Variants in MPST observed in about 807,000 individuals in gnomAD.
MPST encodes the protein mercaptopyruvate sulfurtransferase, also known as 3-mercaptopyruvate sulfurtransferase.
A neutral mutation model predicts 28.5 loss-of-function variants in MPST; 27 were observed. That is an observed-to-expected ratio of 0.95 (90% CI 0.70 to 1.31). The LOEUF (loss-of-function observed/expected upper bound fraction) is 1.31. Ranked by LOEUF, MPST falls within the 50% of genes most tolerant of loss-of-function variation. MPST has a pLI of 0.00. For missense variants in MPST, 492 were observed against 471.1 expected (o/e 1.04, Z -0.41); for synonymous variants, 204 against 209.3 (o/e 0.97, Z 0.22).
intron 2 of MPST, chr22:37,028,867 G>T (rs1453860763): frequency 4.4e-6 from 1 of 229,604 alleles, no homozygotes; most frequent in Non-Finnish European, 8.6e-6. Flanking sequence ...TTGCCTGCAG[G>T]TACTGCACGT....
Position 37,024,239 on chromosome 22 carries a change from C to T in MPST, c.84C>T (p.Arg28=), listed in dbSNP as rs1216934062. Residue 28 remains arginine (R), a synonymous_variant, in exon 2 of 3, where the codon CGC becomes CGT. Transcript: ENST00000429360. ...VAAMASPQLC[R]ALVSAQWVAE... Reference sequence around the variant, plus strand: ...CCATGGCTTCGCCGCAGCTCTGCCGCGCGCTGGTGTCGGCGCAATGGGTGG... The same window carrying T: ...CCATGGCTTCGCCGCAGCTCTGCCGTGCGCTGGTGTCGGCGCAATGGGTGG... The T allele has an allele frequency of 6.4e-6, 9 of 1,415,194 alleles. No homozygotes were observed. Among genetic ancestry groups the T allele is most frequent in the Non-Finnish European group, 8.2e-6 (9 of 1,094,864 alleles). 87.7% of individuals were successfully genotyped at this position (1,415,194 alleles called of 1,614,324 possible).
In MPST at chr22:37,019,874, T is replaced by G; in HGVS notation, c.36+2T>G. The G allele has an allele frequency of 8.2e-7, 1 of 1,213,558 alleles. No individual in the cohort carries two copies. The highest frequency in any genetic ancestry group is 1.0e-6 in the Non-Finnish European group (1 of 969,290). 75.2% of individuals were successfully genotyped at this position (1,213,558 alleles called of 1,614,324 possible). A position where few individuals can be genotyped will look rare whatever the true frequency, so the allele number is the denominator to read the frequency against. ...GGAAGCCGGGAGTCCGAGACCCGGG[T>G]AACTGCCGCGGCGTGGCGGCTTGCC... On this transcript the variant is annotated splice_donor_variant, in intron 1 of 2. Transcript: ENST00000429360. LOFTEE classifies it high-confidence loss of function.
At chr22:37,024,101 C>T (rs1923280228) in intron 1 of MPST, 91 bp from the exon 2 acceptor site, 1 of 1,287,838 alleles carries the variant, frequency 7.8e-7, no homozygotes, top group Non-Finnish European at 1.0e-6. Context: ...CCGCACCTCC[C>T]CCGCCGGCCC....
At chr22:37,020,827 T>G (rs1373940342) in intron 1 of MPST, among the ~76,000 whole-genome samples, 2 of 152,140 alleles carry the variant, frequency 1.3e-5, no homozygotes, top group Non-Finnish European at 2.9e-5. Flanking sequence ...CCCGGCTAAT[T>G]TTTAAATTTT....
At chr22:37,021,342 AG>A (rs929145950) in intron 1 of MPST, among the ~76,000 whole-genome samples, 82 of 152,280 alleles carry the variant, frequency 5.4e-4, no homozygotes, top group Admixed American at 4.7e-3. Context: ...CCAATCAAGC[AG>A]GGAGACTGGG....
chr22:37,024,206 T>C lies in MPST; in HGVS notation c.51T>C (p.Ser17=). The C allele has an allele frequency of 5.8e-6, 8 of 1,378,516 alleles. No homozygotes were observed. Among genetic ancestry groups the C allele is most frequent in the Non-Finnish European group, 7.5e-6 (8 of 1,073,804 alleles). The allele number at this position is 1,378,516 out of a possible 1,614,324, so 85.4% of individuals were successfully genotyped here. ...RESETRARSP[S]VAAMASPQLC... ...CTGTCGCCCAGGCCCGCAGCCCGAG[T>C]GTCGCCGCCATGGCTTCGCCGCAGC... Residue 17 remains serine (S), a synonymous_variant, in exon 2 of 3, where the codon AGT becomes AGC. Coordinates refer to ENST00000429360, the MANE Select transcript of MPST (RefSeq NM_021126.8).
At chr22:37,025,011 C>G (rs989239530) in intron 2 of MPST, 2 of 1,487,808 alleles carry the variant, frequency 1.3e-6, no homozygotes, top group Non-Finnish European at 1.8e-6. Flanking sequence ...GGGTCTGGCT[C>G]TACCGCCCAG....
chr22:37,029,522 C>T lies in MPST; in HGVS notation c.*8C>T, dbSNP rs187704902. On this transcript the variant is annotated 3_prime_UTR_variant, in exon 3 of 3. Transcript: ENST00000429360. ...CGGGGGAAGACCCACTGAAGCTGGGCAGGACACAGGCGAGCTCAGGTGATG... is the reference window on the plus strand; with the variant it reads ...CGGGGGAAGACCCACTGAAGCTGGGTAGGACACAGGCGAGCTCAGGTGATG... The T allele has an allele frequency of 1.5e-4, 242 of 1,591,880 alleles. No individual in the cohort carries two copies. The African/African-American group carries it at 2.9e-3, about 19-fold the overall frequency.
In MPST at chr22:37,024,555, T is replaced by C; in HGVS notation, c.400T>C (p.Trp134Arg). ...GGGCCTCTACTCCGCCCCGCGCGTC[T>C]GGTGGATGTTCCGCGCCTTCGGCCA... ...DQGLYSAPRV[W>R]WMFRAFGHHA... The change falls in exon 2 of 3, where the codon TGG (tryptophan) becomes CGG (arginine). Residue 134 changes from tryptophan (W) to arginine (R), a missense_variant. Trp to Arg is a moderately radical substitution (Grantham distance 101, BLOSUM62 -3). Coordinates refer to ENST00000429360, the MANE Select transcript of MPST (RefSeq NM_021126.8). 1 of 1,580,452 alleles carries C rather than the reference T, an allele frequency of 6.3e-7. No individual in the cohort carries two copies. The highest frequency in any genetic ancestry group is 8.6e-7 in the Non-Finnish European group (1 of 1,169,574).
intron 2 of MPST, chr22:37,025,372 C>T (rs1923444614): frequency 6.9e-6 from 2 of 288,992 alleles, no homozygotes; most frequent in Non-Finnish European, 6.8e-6. Context: ...GCTACCCATG[C>T]CCCTGAGGAT....
rs1922920126 is a variant in MPST, at chr22:37,019,844, A to T, written c.8A>T (p.Glu3Val). Residue 3 changes from glutamate (E) to valine (V), a missense_variant, in exon 1 of 3, where the codon GAG (glutamate) becomes GTG (valine). Physicochemically the swap from Glu to Val is moderately radical, Grantham distance 121. Coordinates refer to ENST00000429360, the MANE Select transcript of MPST (RefSeq NM_021126.8). ...CGCCGCGCCGCGGGGGCCATGGCGG[A>T]GCCAGGAAGCCGGGAGTCCGAGACC... is the stretch of plus-strand genomic sequence containing the variant. MA[E>V]PGSRESETRA... 3 of 1,218,402 alleles carry T rather than the reference A, an allele frequency of 2.5e-6. No homozygotes were observed. The highest frequency in any genetic ancestry group is 3.1e-6 in the Non-Finnish European group (3 of 974,428). The allele number at this position is 1,218,402 out of a possible 1,614,324, so 75.5% of individuals were successfully genotyped here.
At chr22:37,026,400 A>C (rs887958840) in intron 2 of MPST, 2 of 152,134 alleles carry the variant, frequency 1.3e-5, no homozygotes, top group African/African-American at 4.8e-5. Flanking sequence ...CCTGACACTT[A>C]TTCAGTCGCA....
rs1333953619 is a variant in MPST at position 37,019,842 on chromosome 22, G to A, written c.6G>A (p.Ala2=). Residue 2 remains alanine, a synonymous_variant, in exon 1 of 3, where the codon GCG becomes GCA. Coordinates refer to ENST00000429360, the MANE Select transcript of MPST (RefSeq NM_021126.8). M[A]EPGSRESETR... is the part of the protein sequence containing the mutation. ...GGCGCCGCGCCGCGGGGGCCATGGC[G>A]GAGCCAGGAAGCCGGGAGTCCGAGA... 27 of 1,218,178 alleles carry A rather than the reference G, an allele frequency of 2.2e-5. No homozygotes were observed. Among genetic ancestry groups the A allele is most frequent in the Non-Finnish European group, 2.8e-5 (27 of 973,478 alleles). The allele number at this position is 1,218,178 out of a possible 1,614,324, so 75.5% of individuals were successfully genotyped here. A position where few individuals can be genotyped will look rare whatever the true frequency, so the allele number is the denominator to read the frequency against.
chr22:37,020,057 C>CGTGGCGA (rs1250863160), intron 1 of MPST, 185 bp downstream of exon 1: 3 of 260,010 alleles, frequency 1.2e-5, no homozygotes, highest in Admixed American at 5.5e-5. Flanking sequence ...CGGGTGGGGT[C>CGTGGCGA]GTGGCGAGTG....
chr22:37,029,465 G>C lies in MPST; in HGVS notation c.905G>C (p.Arg302Pro). 6.2e-7 allele frequency: 1 copy of C among 1,612,150 alleles called. No individual in the cohort carries two copies. Among genetic ancestry groups the C allele is most frequent in the Admixed American group, 1.7e-5 (1 of 59,964 alleles). The change falls in exon 3 of 3, where the codon CGC becomes CCC. Residue 302 changes from arginine (R) to proline (P), a missense_variant. Transcript: ENST00000429360. Reference protein sequence around the residue: ...YDGSWVEWYMRARPEDVISEG... With the variant: ...YDGSWVEWYMPARPEDVISEG... ...GGCTCCTGGGTGGAGTGGTACATGCGCGCCCGGCCCGAGGATGTCATCTCA... is the reference window on the plus strand; with the variant it reads ...GGCTCCTGGGTGGAGTGGTACATGCCCGCCCGGCCCGAGGATGTCATCTCA...
At chr22:37,028,068 G>A (rs899245087) in intron 2 of MPST, 3 of 152,168 alleles carry the variant, frequency 2.0e-5, no homozygotes, top group Non-Finnish European at 2.9e-5. Context: ...ATAGCTGACC[G>A]TCTCCAAACA....
chr22:37,024,043 G>C, intron 1 of MPST, 149 bp from the exon 2 acceptor site: 1 of 1,265,736 alleles, frequency 7.9e-7, no homozygotes, highest in South Asian at 1.7e-5. Flanking sequence ...TTGTGCCCGG[G>C]TTCACCACCA....
At position 37,029,493 on chromosome 22, in the gene MPST, G is replaced by A. The variant is rs1229064657; in HGVS notation, c.933G>A (p.Glu311=). The change falls in exon 3 of 3, where the codon GAG becomes GAA. Residue 311 remains glutamate (E), a synonymous_variant. Coordinates refer to ENST00000429360, the MANE Select transcript of MPST (RefSeq NM_021126.8). ...MRARPEDVIS[E]GRGKTH is the part of the protein sequence containing the mutation. Reference sequence around the variant, plus strand: ...CCCGGCCCGAGGATGTCATCTCAGAGGGCCGGGGGAAGACCCACTGAAGCT... The same window carrying A: ...CCCGGCCCGAGGATGTCATCTCAGAAGGCCGGGGGAAGACCCACTGAAGCT... The A allele has an allele frequency of 6.2e-7, 1 of 1,606,876 alleles. No homozygotes were observed. The highest frequency in any genetic ancestry group is 2.2e-5 in the East Asian group (1 of 44,696).
At chr22:37,019,894 C>T (rs1209956440) in intron 1 of MPST, 22 bp downstream of exon 1, 20 of 1,190,138 alleles carry the variant, frequency 1.7e-5, no homozygotes, top group Non-Finnish European at 2.1e-5. Flanking sequence ...GGCGTGGCGG[C>T]TTGCCTTTCT....
Sources: gnomAD v4.1 joint callset for allele counts (sites outside exome capture counted in the v4.1 genomes callset) on GRCh38, gnomAD v4.1.1 for gene constraint, MANE v1.5 for transcripts, NCBI Gene and HGNC (gene_info 2026-07-23, HGNC 2026-07-21) for gene names.